The following CNTNAP2 variants were observed in gnomAD, a reference collection of about 807,000 sequenced individuals.
CNTNAP2 encodes the protein contactin-associated protein-like 2.
A neutral mutation model predicts 155.2 loss-of-function variants in CNTNAP2; 98 were observed. The ratio of observed to expected loss-of-function variants is 0.63; its 90% CI spans 0.54 to 0.75. The LOEUF is 0.75. Ranked by LOEUF, CNTNAP2 falls within the 30% of genes least tolerant of loss-of-function variation. The pLI is 0.00. For synonymous variants in CNTNAP2, 651 were observed against 631.2 expected (o/e 1.03, Z -0.47); for missense variants, 1,727 against 1,688.1 (o/e 1.02, Z -0.40).
intron 21 of CNTNAP2, among the ~76,000 whole-genome samples, chr7:148,327,446 C>T (rs1224367976): frequency 6.6e-6 from 1 of 152,230 alleles, no homozygotes; most frequent in Non-Finnish European, 1.5e-5. Flanking sequence ...GTTACTATTA[C>T]CACCATGTAC....
At chr7:148,360,625 C>T (rs1268483411) in intron 21 of CNTNAP2, among the ~76,000 whole-genome samples, 1 of 152,112 alleles carries the variant, frequency 6.6e-6, no homozygotes, top group Admixed American at 6.5e-5. Context: ...TTAGGTAGTG[C>T]ATGCTGTGGA....
intron 8 of CNTNAP2, among the ~76,000 whole-genome samples, chr7:147,196,500 A>C (rs541348754): frequency 6.6e-6 from 1 of 152,334 alleles, no homozygotes; most frequent in East Asian, 1.9e-4. Flanking sequence ...AATTAGTATG[A>C]TATAAAGCAT....
At chr7:147,376,839 A>G (rs1379124663) in intron 9 of CNTNAP2, among the ~76,000 whole-genome samples, 2 of 152,026 alleles carry the variant, frequency 1.3e-5, no homozygotes, top group Admixed American at 6.6e-5. Flanking sequence ...CAGTAACACT[A>G]CTGTATATTA....
At chr7:147,772,168 G>T (rs1032660908) in intron 13 of CNTNAP2, among the ~76,000 whole-genome samples, 1 of 151,792 alleles carries the variant, frequency 6.6e-6, no homozygotes, top group African/African-American at 2.4e-5. Context: ...GCTCACACCT[G>T]TAATCCCAGC....
intron 1 of CNTNAP2, among the ~76,000 whole-genome samples, chr7:146,224,354 G>A (rs981722886): frequency 6.6e-6 from 1 of 151,424 alleles, no homozygotes; most frequent in Non-Finnish European, 1.5e-5. Context: ...ATACAATAGC[G>A]ATTATGACAT....
chr7:148,413,401 A>AAAAAAAAAAAAAAAAAAAAT (rs1442990213), intron 23 of CNTNAP2, among the ~76,000 whole-genome samples: 1 of 45,374 alleles, frequency 2.2e-5, no homozygotes. Context: ...TCAAAAAAAA[A>AAAAAAAAAAAAAAAAAAAAT]ATATATATAT....
chr7:148,395,393 G>A (rs1423711381), intron 22 of CNTNAP2, among the ~76,000 whole-genome samples: 1 of 151,992 alleles, frequency 6.6e-6, no homozygotes, highest in African/African-American at 2.4e-5. Flanking sequence ...CCACACCTCT[G>A]CTGCCCCAGC....
At chr7:147,815,462 C>T (rs1439781900) in intron 13 of CNTNAP2, among the ~76,000 whole-genome samples, 1 of 152,194 alleles carries the variant, frequency 6.6e-6, no homozygotes, top group African/African-American at 2.4e-5. Context: ...TGGGCCCCGA[C>T]ATCTCAGAGC....
chr7:147,222,250 A>G (rs1449416086), intron 8 of CNTNAP2, among the ~76,000 whole-genome samples: 1 of 151,032 alleles, frequency 6.6e-6, no homozygotes, highest in East Asian at 1.9e-4. Context: ...CAGTTGTTGT[A>G]TATTCTGTTA....
chr7:147,375,793 G>A (rs772016857), intron 9 of CNTNAP2, among the ~76,000 whole-genome samples: 6 of 152,006 alleles, frequency 3.9e-5, no homozygotes, highest in African/African-American at 7.2e-5. Flanking sequence ...CTCATATTTC[G>A]TTGACGTTTC....
rs111426217 is a variant in CNTNAP2, at chr7:147,271,516, G to T, written c.1349-28625G>T. The stretch of plus-strand genomic sequence containing the variant: ...CTGTGTATTAGTCTGTTTTCACACT[G>T]CTGGTAAAAACGTACCTGAGACTGG... On this transcript the variant is annotated intron_variant, in intron 8 of 23. Coordinates refer to ENST00000361727, the MANE Select transcript of CNTNAP2 (RefSeq NM_014141.6). Among the ~76,000 whole-genome samples, 1,081 of 152,184 alleles carry T rather than the reference G, an allele frequency of 7.1e-3. 15 individuals carry two copies. Among genetic ancestry groups the T allele is most frequent in the African/African-American group, 0.025 (1,028 of 41,540 alleles).
chr7:146,433,105 C>T (rs1462972427), intron 1 of CNTNAP2, among the ~76,000 whole-genome samples: 1 of 152,146 alleles, frequency 6.6e-6, no homozygotes, highest in Non-Finnish European at 1.5e-5. Context: ...ATTGTAATTG[C>T]TTTTGTTTGG....
chr7:147,408,539 T>G (rs894659012), intron 10 of CNTNAP2, among the ~76,000 whole-genome samples: 3 of 152,160 alleles, frequency 2.0e-5, no homozygotes, highest in Non-Finnish European at 4.4e-5. Context: ...CGCGGGCGGA[T>G]CACGAGGTCA....
chr7:147,581,434 C>A (rs919435206), intron 12 of CNTNAP2, among the ~76,000 whole-genome samples: 1 of 152,180 alleles, frequency 6.6e-6, no homozygotes, highest in African/African-American at 2.4e-5. Flanking sequence ...GCTGTATAGA[C>A]AATTCCAATC....
At chr7:146,322,028 C>T (rs1419228753) in intron 1 of CNTNAP2, among the ~76,000 whole-genome samples, 1 of 151,884 alleles carries the variant, frequency 6.6e-6, no homozygotes, top group Non-Finnish European at 1.5e-5. Context: ...AGGTCATGGA[C>T]CTTGGAGTCT....
Position 146,359,792 on chromosome 7 carries a change from A to G in CNTNAP2, c.97+242819A>G, listed in dbSNP as rs572111769. Among the ~76,000 whole-genome samples, 48 of 151,814 alleles carry G rather than the reference A, an allele frequency of 3.2e-4. 1 individual carries two copies. Among genetic ancestry groups the G allele is most frequent in the African/African-American group, 1.1e-3 (44 of 41,382 alleles). On this transcript the variant is annotated intron_variant, in intron 1 of 23. Transcript: ENST00000361727. The stretch of plus-strand genomic sequence containing the variant: ...TCTATGTGAATATATGTGTGTGTGT[A>G]TGTGTGTGTGTGCGTGCGTGCGCAT...
chr7:146,160,075 C>T (rs1305131401), intron 1 of CNTNAP2, among the ~76,000 whole-genome samples: 1 of 152,148 alleles, frequency 6.6e-6, no homozygotes, highest in East Asian at 1.9e-4. Flanking sequence ...GACTGAACAA[C>T]CTGCTCCTGA....
At chr7:146,649,771 G>A (rs1799874066) in intron 1 of CNTNAP2, among the ~76,000 whole-genome samples, 1 of 151,906 alleles carries the variant, frequency 6.6e-6, no homozygotes, top group Non-Finnish European at 1.5e-5. Context: ...ATTCCAACAG[G>A]CTTTTTCTCT....
chr7:147,029,021 T>C (rs940170738), intron 3 of CNTNAP2, among the ~76,000 whole-genome samples: 1 of 140,620 alleles, frequency 7.1e-6, no homozygotes, highest in African/African-American at 2.8e-5. Context: ...TGGAGGGCAG[T>C]GGTGCGATCT....
Sources: allele counts gnomAD v4.1 joint callset (sites outside exome capture counted in the v4.1 genomes callset), GRCh38; gene constraint gnomAD v4.1.1; transcripts MANE v1.5; gene names NCBI Gene and HGNC (gene_info 2026-07-23, HGNC 2026-07-21).